The following GATM variants were observed in gnomAD, a reference collection of about 807,000 sequenced individuals.
GATM encodes the protein glycine amidinotransferase, mitochondrial.
In GATM, 23 loss-of-function variants were observed where a neutral mutation model predicts 54.2. That is an observed-to-expected ratio of 0.42 (90% CI 0.31 to 0.60). GATM has a LOEUF of 0.60. GATM is among the 20% of genes least tolerant of loss of function. The pLI is 0.14. For missense variants in GATM, 401 were observed against 544.9 expected (o/e 0.74, Z 2.63); for synonymous variants, 168 against 183.1 (o/e 0.92, Z 0.67).
chr15:45,362,458 A>G (rs1889380307), intron 8 of GATM, among the ~76,000 whole-genome samples: 1 of 152,236 alleles, frequency 6.6e-6, no homozygotes, highest in South Asian at 2.1e-4. Flanking sequence ...ACTATTCACA[A>G]GTCAATAGAC....
intron 3 of GATM, among the ~76,000 whole-genome samples, chr15:45,388,132 G>A (rs1053883201): frequency 3.2e-4 from 49 of 152,304 alleles, no homozygotes; most frequent in African/African-American, 2.4e-5. Context: ...GATTACAGGC[G>A]TGAGGTACTA....
chr15:45,363,871 T>C (rs1311333512), intron 8 of GATM, 29 bp downstream of exon 8: 1 of 1,285,602 alleles, frequency 7.8e-7, no homozygotes, highest in Non-Finnish European at 1.1e-6. Context: ...TTTTCATGTA[T>C]GACAACATGT....
chr15:45,363,874 CAACATGTT>C lies in GATM; in HGVS notation c.1159+18_1159+25del. 4 of 1,305,900 alleles carry C rather than the reference CAACATGTT, an allele frequency of 3.1e-6. No individual in the cohort carries two copies. Among genetic ancestry groups the C allele is most frequent in the Non-Finnish European group, 4.4e-6 (4 of 899,998 alleles). 80.9% of individuals were successfully genotyped at this position (1,305,900 alleles called of 1,614,324 possible). ...TCTCATTTAACGTTTTCATGTATGA[CAACATGTT>C]TCATTTGTTGTACATACCCAGCTTT... On this transcript the variant is annotated intron_variant, in intron 8 of 8. Transcript: ENST00000396659.
Position 45,368,487 on chromosome 15 carries a change from C to A in GATM, c.485-227G>T, listed in dbSNP as rs572484783. 7.2e-5 allele frequency among the ~76,000 whole-genome samples: 11 copies of A among 152,042 alleles called. No homozygotes were observed. The South Asian group carries it at 2.3e-3, about 32-fold the overall frequency. Reference sequence around the variant, plus strand: ...AATTAGCCAGGCATGGTGGCACGTGCCTGTAATCCTAGCTACTCGGGAGAC... The same window carrying A: ...AATTAGCCAGGCATGGTGGCACGTGACTGTAATCCTAGCTACTCGGGAGAC... On this transcript the variant is annotated intron_variant, in intron 3 of 8. Coordinates refer to ENST00000396659, the MANE Select transcript of GATM (RefSeq NM_001482.3). This position sits in a 1 kb window ranked among gnomAD's most constrained non-coding sequence, Gnocchi z 5.1.
Position 45,366,458 on chromosome 15 carries a change from TC to T in GATM, c.725del (p.Gly242GlufsTer4). 6.2e-7 allele frequency: 1 copy of T among 1,614,134 alleles called. No homozygotes were observed. The highest frequency in any genetic ancestry group is 8.5e-7 in the Non-Finnish European group (1 of 1,180,016). ...VEDRHKLAAQ[G>X]KFVTTEFEPC... ...GCTCAAACTCAGTTGTCACAAATTT[TC>T]CCTGAGCAGCCAATTTGTGTCTGTC... On this transcript the variant is annotated frameshift_variant, in exon 5 of 9. Transcript: ENST00000396659. LOFTEE classifies it high-confidence loss of function.
intron 2 of GATM, among the ~76,000 whole-genome samples, chr15:45,376,381 G>C (rs1003459454): frequency 1.3e-5 from 2 of 152,158 alleles, no homozygotes. Context: ...TCCCAGAAAA[G>C]CTCTCTCAGA....
intron 1 of GATM, among the ~76,000 whole-genome samples, chr15:45,400,540 G>A (rs529953278): frequency 6.6e-6 from 1 of 152,362 alleles, no homozygotes; most frequent in African/African-American, 2.4e-5. Context: ...TATAAGGTCA[G>A]AGGGTTCTTG....
At chr15:45,375,042 G>A (rs941457993) in intron 2 of GATM, among the ~76,000 whole-genome samples, 4 of 152,080 alleles carry the variant, frequency 2.6e-5, no homozygotes, top group African/African-American at 4.8e-5. Flanking sequence ...ATATAAGAAC[G>A]TTACAGATAA....
At chr15:45,388,187 C>T (rs1889826468) in intron 3 of GATM, among the ~76,000 whole-genome samples, 1 of 152,150 alleles carries the variant, frequency 6.6e-6, no homozygotes, top group South Asian at 2.1e-4. Context: ...GTATTCTGCA[C>T]AAGTCAGCCT....
In GATM at chr15:45,368,321, T is replaced by C; in HGVS notation, c.485-61A>G. ...GTGTTAATTTCCAAGACAAAAAAGG[T>C]CTATATAGGGCCAGGCACAGTGGCT... On this transcript the variant is annotated intron_variant, in intron 3 of 8. Transcript: ENST00000396659. This position sits in a 1 kb window ranked among gnomAD's most constrained non-coding sequence, Gnocchi z 5.1. 2 of 1,472,466 alleles carry C rather than the reference T, an allele frequency of 1.4e-6. No homozygotes were observed. The highest frequency in any genetic ancestry group is 1.9e-6 in the Non-Finnish European group (2 of 1,060,074). 91.2% of individuals were successfully genotyped at this position (1,472,466 alleles called of 1,614,324 possible). A position where few individuals can be genotyped will look rare whatever the true frequency, so the allele number is the denominator to read the frequency against.
intron 6 of GATM, 125 bp from the exon 7 acceptor site, chr15:45,364,985 AAG>A: frequency 1.3e-6 from 1 of 771,514 alleles, no homozygotes; most frequent in Non-Finnish European, 2.1e-6. Context: ...TTCCAAAAGA[AAG>A]AAATTAAAAT....
intron 3 of GATM, among the ~76,000 whole-genome samples, chr15:45,392,312 C>T (rs1470872515): frequency 6.6e-6 from 1 of 152,190 alleles, no homozygotes; most frequent in Admixed American, 6.5e-5. Flanking sequence ...CTACAGTGCG[C>T]ATTCTCTCTA....
intron 3 of GATM, among the ~76,000 whole-genome samples, chr15:45,390,616 A>G (rs762950380): frequency 1.2e-4 from 19 of 152,200 alleles, no homozygotes; most frequent in Non-Finnish European, 2.4e-4. Context: ...GACAGCATCA[A>G]TGCACATTTT....
intron 2 of GATM, among the ~76,000 whole-genome samples, chr15:45,398,530 G>A (rs1297131414): frequency 6.6e-6 from 1 of 152,140 alleles, no homozygotes; most frequent in Non-Finnish European, 1.5e-5. Flanking sequence ...AGTAAAGATG[G>A]AAGATTCTAA....
At chr15:45,392,409 A>G (rs1889883085) in intron 3 of GATM, among the ~76,000 whole-genome samples, 1 of 152,192 alleles carries the variant, frequency 6.6e-6, no homozygotes. Flanking sequence ...TTTCAAAATG[A>G]TTTCATACAT....
At chr15:45,365,721 G>A (rs752305373) in intron 6 of GATM, among the ~76,000 whole-genome samples, 3 of 152,186 alleles carry the variant, frequency 2.0e-5, no homozygotes, top group South Asian at 2.1e-4. Flanking sequence ...TCCAAAATTC[G>A]CTGCTGTGGA....
intron 3 of GATM, among the ~76,000 whole-genome samples, chr15:45,387,891 A>G (rs1334387336): frequency 6.6e-6 from 1 of 152,248 alleles, no homozygotes; most frequent in African/African-American, 2.4e-5. Flanking sequence ...TCAAGAGTTA[A>G]GTGAACTTTT....
In GATM at chr15:45,361,687, T is replaced by C. The variant is rs924629983; in HGVS notation, c.*422A>G. ...GATTCTATTTTGGATCTGTGTACAT[T>C]CTAAGTCTTTCTCTCATTTAGAGAA... is the stretch of plus-strand genomic sequence containing the variant. On this transcript the variant is annotated 3_prime_UTR_variant, in exon 9 of 9. Transcript: ENST00000396659. 1.2e-5 allele frequency: 5 copies of C among 412,364 alleles called. No homozygotes were observed. Among genetic ancestry groups the C allele is most frequent in the Middle Eastern group, 6.2e-4 (1 of 1,608 alleles). 25.5% of individuals were successfully genotyped at this position (412,364 alleles called of 1,614,324 possible).
intron 3 of GATM, among the ~76,000 whole-genome samples, chr15:45,390,257 T>C (rs924402190): frequency 7.2e-5 from 11 of 152,224 alleles, no homozygotes; most frequent in Non-Finnish European, 1.5e-4. Flanking sequence ...AATATTGTGG[T>C]CTGGCTGTTG....
Sources: allele counts gnomAD v4.1 joint callset (sites outside exome capture counted in the v4.1 genomes callset), GRCh38; gene constraint gnomAD v4.1.1; non-coding constraint Gnocchi (gnomAD v3.1); transcripts MANE v1.5; gene names NCBI Gene and HGNC (gene_info 2026-07-23, HGNC 2026-07-21).